ARHGAP15: variants seen among roughly 807,000 people sequenced by gnomAD.
ARHGAP15 encodes rho GTPase-activating protein 15.
In ARHGAP15, 51 loss-of-function variants were observed where a neutral mutation model predicts 63.7. That is an observed-to-expected ratio of 0.80 (90% CI 0.64 to 1.01). The LOEUF is 1.01. ARHGAP15 is among the 50% of genes least tolerant of loss of function. The probability of loss-of-function intolerance (pLI) is 0.00; values close to 1 mark genes in which losing one functional copy is unlikely to be tolerated. For missense variants in ARHGAP15, 560 were observed against 564.6 expected, an observed-to-expected ratio of 0.99 and a Z score of 0.08; for synonymous variants, 191 against 193.8, an observed-to-expected ratio of 0.99 and a Z score of 0.12.
intron 6 of ARHGAP15, among the ~76,000 whole-genome samples, chr2:143,393,437 A>T (rs1687620905): frequency 6.6e-6 from 1 of 152,156 alleles, no homozygotes; most frequent in Non-Finnish European, 1.5e-5. Flanking sequence ...ATTGTTACTT[A>T]AGAAATCTAA....
intron 9 of ARHGAP15, among the ~76,000 whole-genome samples, chr2:143,498,696 G>T (rs1044741774): frequency 6.6e-6 from 1 of 152,002 alleles, no homozygotes; most frequent in African/African-American, 2.4e-5. Context: ...ATTTGGAAAC[G>T]ATTTGATTGA....
chr2:143,670,535 T>A (rs1310692689), intron 12 of ARHGAP15, among the ~76,000 whole-genome samples: 1 of 152,188 alleles, frequency 6.6e-6, no homozygotes, highest in African/African-American at 2.4e-5. Flanking sequence ...GTTCGCAGCC[T>A]GACAGAGTAA....
intron 9 of ARHGAP15, among the ~76,000 whole-genome samples, chr2:143,505,303 T>A (rs935774363): frequency 6.6e-6 from 1 of 152,150 alleles, no homozygotes. Context: ...GCTGGAAACA[T>A]AACTGTCAAG....
intron 6 of ARHGAP15, among the ~76,000 whole-genome samples, chr2:143,368,716 CTT>C (rs1411504183): frequency 6.6e-6 from 1 of 152,076 alleles, no homozygotes; most frequent in Non-Finnish European, 1.5e-5. Context: ...CTTGAGGACA[CTT>C]AGGCGTGGGG....
chr2:143,618,102 T>C (rs560423475), intron 11 of ARHGAP15, among the ~76,000 whole-genome samples: 1 of 152,318 alleles, frequency 6.6e-6, no homozygotes, highest in East Asian at 1.9e-4. Context: ...ATCACCGTGT[T>C]TGAGAATGCA....
intron 11 of ARHGAP15, among the ~76,000 whole-genome samples, chr2:143,567,096 C>T (rs983235630): frequency 6.6e-6 from 1 of 152,024 alleles, no homozygotes; most frequent in African/African-American, 2.4e-5. Context: ...AGGATGGTCT[C>T]GATCTCCTGA....
At chr2:143,659,987 T>C (rs1348775040) in intron 12 of ARHGAP15, among the ~76,000 whole-genome samples, 6 of 152,214 alleles carry the variant, frequency 3.9e-5, no homozygotes, top group Non-Finnish European at 8.8e-5. Context: ...TCCTGAATTT[T>C]GAATTTTTCC....
chr2:143,384,741 A>G (rs1244534877), intron 6 of ARHGAP15, among the ~76,000 whole-genome samples: 1 of 152,108 alleles, frequency 6.6e-6, no homozygotes, highest in Non-Finnish European at 1.5e-5. Context: ...ATGTATTTGT[A>G]AGTAAACTCA....
At chr2:143,204,765 G>T (rs1692259608) in intron 3 of ARHGAP15, among the ~76,000 whole-genome samples, 1 of 151,886 alleles carries the variant, frequency 6.6e-6, no homozygotes, top group African/African-American at 2.4e-5. Flanking sequence ...GTCTCCTTCT[G>T]CTCCAATGAA....
chr2:143,217,576 G>A (rs1279823865), intron 4 of ARHGAP15, among the ~76,000 whole-genome samples: 2 of 152,158 alleles, frequency 1.3e-5, no homozygotes, highest in Non-Finnish European at 2.9e-5. Flanking sequence ...TTTAAGAGAT[G>A]TGGCTAGTCC....
chr2:143,137,087 T>C (rs354722), intron 1 of ARHGAP15, among the ~76,000 whole-genome samples: 93,850 of 151,870 alleles, frequency 0.62, 29,809 homozygotes, highest in East Asian at 0.92. Context: ...ATGACTATTA[T>C]ACTTCAAATT....
intron 6 of ARHGAP15, among the ~76,000 whole-genome samples, chr2:143,382,902 GCC>G (rs1342541869): frequency 6.6e-6 from 1 of 152,162 alleles, no homozygotes; most frequent in East Asian, 1.9e-4. Flanking sequence ...TCGAACCACA[GCC>G]TTTCAAGAAG....
At chr2:143,496,665 A>G (rs1345408012) in intron 9 of ARHGAP15, among the ~76,000 whole-genome samples, 7 of 152,216 alleles carry the variant, frequency 4.6e-5, no homozygotes, top group Admixed American at 3.3e-4. Flanking sequence ...GTTCCTTTAA[A>G]TTACATTTCT....
intron 9 of ARHGAP15, among the ~76,000 whole-genome samples, chr2:143,517,556 A>C (rs1313612024): frequency 2.0e-5 from 3 of 152,212 alleles, no homozygotes; most frequent in African/African-American, 7.2e-5. Context: ...ATGTGCCAAC[A>C]CTGTCTAGGT....
chr2:143,394,990 A>G (rs754955393), intron 6 of ARHGAP15, among the ~76,000 whole-genome samples: 1 of 152,196 alleles, frequency 6.6e-6, no homozygotes, highest in Admixed American at 6.6e-5. Flanking sequence ...AAGGAGCAAG[A>G]AAGATTGCTA....
At chr2:143,551,850 T>G (rs1421844463) in intron 10 of ARHGAP15, among the ~76,000 whole-genome samples, 2 of 152,254 alleles carry the variant, frequency 1.3e-5, no homozygotes, top group South Asian at 2.1e-4. Context: ...GTACTCTCAG[T>G]CATCGAATTT....
chr2:143,717,575 G>C (rs1684863733), intron 13 of ARHGAP15, among the ~76,000 whole-genome samples: 1 of 152,142 alleles, frequency 6.6e-6, no homozygotes, highest in African/African-American at 2.4e-5. Context: ...GCCACTTCTT[G>C]TCAGCAAAGC....
chr2:143,619,622 C>G (rs985495640), intron 11 of ARHGAP15, among the ~76,000 whole-genome samples: 1 of 152,168 alleles, frequency 6.6e-6, no homozygotes, highest in Non-Finnish European at 1.5e-5. Context: ...ACCCAGATGT[C>G]ATGTTGAATT....
At chr2:143,419,628 G>C (rs1688830553) in intron 6 of ARHGAP15, among the ~76,000 whole-genome samples, 1 of 150,690 alleles carries the variant, frequency 6.6e-6, no homozygotes, top group African/African-American at 2.5e-5. Context: ...TATTTAATTT[G>C]ACCTATGTAT....
Sources: allele counts gnomAD v4.1 joint callset (sites outside exome capture counted in the v4.1 genomes callset), GRCh38; gene constraint gnomAD v4.1.1; transcripts MANE v1.5; gene names NCBI Gene and HGNC (gene_info 2026-07-23, HGNC 2026-07-21).